The following WDR70 variants were observed in gnomAD, a reference collection of about 807,000 sequenced individuals.
WDR70 encodes WD repeat domain 70.
In WDR70, 53 loss-of-function variants were observed where a neutral mutation model predicts 88.6. That is an observed-to-expected ratio of 0.60 (90% CI 0.48 to 0.75). The LOEUF (loss-of-function observed/expected upper bound fraction) is 0.75. Ranked by LOEUF, WDR70 falls within the 30% of genes least tolerant of loss-of-function variation. WDR70 has a pLI of 0.00. For missense variants in WDR70, 610 were observed against 823.2 expected, an observed-to-expected ratio of 0.74 and a Z score of 3.17; for synonymous variants, 280 against 270.0, an observed-to-expected ratio of 1.04 and a Z score of -0.36.
At chr5:37,670,818 C>A (rs538593975) in intron 10 of WDR70, among the ~76,000 whole-genome samples, 30 of 152,150 alleles carry the variant, frequency 2.0e-4, no homozygotes, top group Admixed American at 1.7e-3. Flanking sequence ...TGAAATGAAA[C>A]CTTCACGGAA....
intron 7 of WDR70, among the ~76,000 whole-genome samples, chr5:37,454,321 TAAAA>T (rs1581295392): frequency 6.6e-6 from 1 of 152,064 alleles, no homozygotes; most frequent in African/African-American, 2.4e-5. Context: ...TAGTTTTTTT[TAAAA>T]AAATAAAAAT....
intron 5 of WDR70, among the ~76,000 whole-genome samples, chr5:37,437,445 T>G (rs1750502375): frequency 6.6e-6 from 1 of 152,150 alleles, no homozygotes. Flanking sequence ...AAATCTGTAA[T>G]TATTATTTTA....
intron 17 of WDR70, among the ~76,000 whole-genome samples, chr5:37,735,447 T>C (rs1748278720): frequency 6.6e-6 from 1 of 152,158 alleles, no homozygotes; most frequent in Non-Finnish European, 1.5e-5. Context: ...AAACTAGAAC[T>C]AGACATTAGT....
chr5:37,509,684 C>T (rs1258899996), intron 8 of WDR70, among the ~76,000 whole-genome samples: 3 of 152,010 alleles, frequency 2.0e-5, no homozygotes, highest in South Asian at 2.1e-4. Context: ...AAGCCACTGT[C>T]GATCTTCGCA....
intron 9 of WDR70, among the ~76,000 whole-genome samples, chr5:37,534,477 C>T (rs904495709): frequency 6.6e-6 from 1 of 150,780 alleles, no homozygotes; most frequent in Admixed American, 6.6e-5. Flanking sequence ...TCAGTTTTTC[C>T]CCCCATACTG....
intron 16 of WDR70, among the ~76,000 whole-genome samples, chr5:37,725,663 C>T (rs1312194085): frequency 6.6e-6 from 1 of 152,070 alleles, no homozygotes; most frequent in African/African-American, 2.4e-5. Flanking sequence ...GCATATCTAT[C>T]TTAATTATTT....
intron 10 of WDR70, among the ~76,000 whole-genome samples, chr5:37,686,900 G>T (rs1415326386): frequency 1.3e-5 from 2 of 149,892 alleles, no homozygotes; most frequent in African/African-American, 4.9e-5. Context: ...AGGCCTACGA[G>T]ATTGTGCCAT....
chr5:37,455,087 G>A (rs1003057628), intron 7 of WDR70, among the ~76,000 whole-genome samples: 3 of 152,146 alleles, frequency 2.0e-5, no homozygotes, highest in Non-Finnish European at 4.4e-5. Context: ...TATTTAATAT[G>A]AAGGAATCTC....
chr5:37,497,127 T>C (rs896477579), intron 8 of WDR70, among the ~76,000 whole-genome samples: 14 of 151,902 alleles, frequency 9.2e-5, no homozygotes, highest in Non-Finnish European at 2.1e-4. Context: ...TATAAATTAT[T>C]TTCTTTCTTT....
rs185032787 is a variant in WDR70, at chr5:37,665,687, G to A, written c.1093-31968G>A. On this transcript the variant is annotated intron_variant, in intron 10 of 17. Transcript: ENST00000265107. Reference sequence around the variant, plus strand: ...TGTAGAGATAGGACTATTTTCTGCAGCAATTGGGTTATCTTTAGATGAGTA... The same window carrying A: ...TGTAGAGATAGGACTATTTTCTGCAACAATTGGGTTATCTTTAGATGAGTA... 1.2e-4 allele frequency among the ~76,000 whole-genome samples: 19 copies of A among 152,308 alleles called. No homozygotes were observed. The East Asian group carries it at 3.7e-3, about 29-fold the overall frequency.
intron 17 of WDR70, among the ~76,000 whole-genome samples, chr5:37,735,602 ACTGT>A (rs1349164102): frequency 6.6e-6 from 1 of 152,148 alleles, no homozygotes; most frequent in Non-Finnish European, 1.5e-5. Context: ...AGTTCATGGC[ACTGT>A]CTGTCTGTGG....
chr5:37,637,391 T>C (rs1274969403), intron 10 of WDR70, among the ~76,000 whole-genome samples: 4 of 151,422 alleles, frequency 2.6e-5, no homozygotes, highest in Non-Finnish European at 5.9e-5. Flanking sequence ...GATTTATAAA[T>C]AGTATTTTAA....
chr5:37,408,562 A>G (rs1422113359), intron 5 of WDR70, among the ~76,000 whole-genome samples: 11 of 152,190 alleles, frequency 7.2e-5, no homozygotes, highest in Admixed American at 5.2e-4. Flanking sequence ...TGAGAAGTGT[A>G]ATAGTTTTTC....
chr5:37,571,552 T>C (rs1444508156), intron 9 of WDR70, among the ~76,000 whole-genome samples: 1 of 152,176 alleles, frequency 6.6e-6, no homozygotes, highest in African/African-American at 2.4e-5. Context: ...GAATAATTAA[T>C]TTACCCCAAG....
chr5:37,663,591 C>G (rs192955460), intron 10 of WDR70, among the ~76,000 whole-genome samples: 8 of 152,124 alleles, frequency 5.3e-5, no homozygotes, highest in Non-Finnish European at 1.2e-4. Flanking sequence ...TTTCAAACTT[C>G]CCCAACTCTT....
chr5:37,388,514 T>A (rs1223373899), intron 3 of WDR70, among the ~76,000 whole-genome samples: 2 of 138,568 alleles, frequency 1.4e-5, no homozygotes. Flanking sequence ...CTGAGGCAGG[T>A]GGATTGCTTG....
At chr5:37,380,377 C>T (rs1258075613) in intron 2 of WDR70, among the ~76,000 whole-genome samples, 1 of 151,954 alleles carries the variant, frequency 6.6e-6, no homozygotes, top group Non-Finnish European at 1.5e-5. Flanking sequence ...CTCGCTCAGT[C>T]GCCCAGGCTG....
chr5:37,705,626 G>T (rs562063523), intron 13 of WDR70, among the ~76,000 whole-genome samples: 1 of 151,526 alleles, frequency 6.6e-6, no homozygotes, highest in African/African-American at 2.4e-5. Flanking sequence ...CAAGTTTTAC[G>T]TCTTCTTGGA....
At chr5:37,615,396 A>G (rs1744308377) in intron 10 of WDR70, among the ~76,000 whole-genome samples, 1 of 152,168 alleles carries the variant, frequency 6.6e-6, no homozygotes, top group East Asian at 1.9e-4. Flanking sequence ...CCAGGAATAT[A>G]GAGAAGATTT....
Sources: gnomAD v4.1 joint callset for allele counts (sites outside exome capture counted in the v4.1 genomes callset) on GRCh38, gnomAD v4.1.1 for gene constraint, MANE v1.5 for transcripts, NCBI Gene and HGNC (gene_info 2026-07-23, HGNC 2026-07-21) for gene names.